LANCL2: variants seen among roughly 807,000 people sequenced by gnomAD.
LANCL2 encodes the protein LanC like glutathione S-transferase 2, also known as lanC-like protein 2.
Under a neutral mutation model 56.9 loss-of-function variants are expected in LANCL2, and 33 were observed. The ratio of observed to expected loss-of-function variants is 0.58; its 90% CI spans 0.44 to 0.78. The LOEUF is 0.78. LANCL2 is among the 30% of genes least tolerant of loss of function. The probability of loss-of-function intolerance (pLI) is 0.00; values close to 1 mark genes in which losing one functional copy is unlikely to be tolerated. For missense variants in LANCL2, 562 were observed against 580.2 expected (o/e 0.97, Z 0.32); for synonymous variants, 233 against 228.2 (o/e 1.02, Z -0.19).
At chr7:55,429,037 A>G (rs1255884530) in intron 8 of LANCL2, among the ~76,000 whole-genome samples, 4 of 152,296 alleles carry the variant, frequency 2.6e-5, no homozygotes, top group Middle Eastern at 3.4e-3. Flanking sequence ...TTAGATTTGT[A>G]TGTGGGTATG....
chr7:55,388,124 A>G (rs1430188745), intron 1 of LANCL2, among the ~76,000 whole-genome samples: 1 of 152,242 alleles, frequency 6.6e-6, no homozygotes, highest in Non-Finnish European at 1.5e-5. Flanking sequence ...AAATGTGCAC[A>G]AAAACGGGCC....
chr7:55,425,467 C>T, intron 7 of LANCL2, 37 bp downstream of exon 7: 1 of 1,589,682 alleles, frequency 6.3e-7, no homozygotes, highest in Non-Finnish European at 8.6e-7. Context: ...TCTGAACAAC[C>T]CCGAGTGTGC....
At chr7:55,425,200 C>A in intron 6 of LANCL2, 54 bp from the exon 7 acceptor site, 1 of 1,561,946 alleles carries the variant, frequency 6.4e-7, no homozygotes, top group South Asian at 1.2e-5. Flanking sequence ...AGTATTTTGC[C>A]AACTCATCGT....
intron 2 of LANCL2, chr7:55,394,196 G>C (rs985606655): frequency 6.6e-6 from 1 of 152,214 alleles, no homozygotes; most frequent in Non-Finnish European, 1.5e-5. Context: ...TGGTTTCAGT[G>C]ATTTAAAATA....
chr7:55,426,063 TCTTC>T (rs1304570157), intron 7 of LANCL2, among the ~76,000 whole-genome samples: 1 of 152,234 alleles, frequency 6.6e-6, no homozygotes, highest in Non-Finnish European at 1.5e-5. Context: ...TCAGGAGCAC[TCTTC>T]CTTCAGCTCC....
rs962494198 is a variant in LANCL2 at position 55,433,509 on chromosome 7, G to T, written c.*2189G>T. The T allele has an allele frequency of 1.3e-5, 2 of 152,214 alleles. No individual in the cohort carries two copies. The highest frequency in any genetic ancestry group is 2.4e-5 in the African/African-American group (1 of 41,456). 9.4% of individuals were successfully genotyped at this position (152,214 alleles called of 1,614,324 possible). On this transcript the variant is annotated 3_prime_UTR_variant, in exon 9 of 9. Coordinates refer to ENST00000254770, the MANE Select transcript of LANCL2 (RefSeq NM_018697.4). Reference sequence around the variant, plus strand: ...ACGGGACTTACTTCACAGGACAGAGGATTGACAGAAGTCAGTTTAAGATAA... The same window carrying T: ...ACGGGACTTACTTCACAGGACAGAGTATTGACAGAAGTCAGTTTAAGATAA...
intron 1 of LANCL2, among the ~76,000 whole-genome samples, chr7:55,389,710 A>G (rs1790164101): frequency 6.6e-6 from 1 of 152,184 alleles, no homozygotes; most frequent in Admixed American, 6.5e-5. Context: ...GTAGGGTATG[A>G]TGGCCTTCAT....
At chr7:55,372,881 T>C (rs1034812285) in intron 1 of LANCL2, among the ~76,000 whole-genome samples, 1 of 152,232 alleles carries the variant, frequency 6.6e-6, no homozygotes, top group Non-Finnish European at 1.5e-5. Flanking sequence ...GCCAATAGTT[T>C]CCAGATTTCT....
intron 6 of LANCL2, among the ~76,000 whole-genome samples, chr7:55,422,847 G>A (rs7779752): frequency 0.65 from 98,950 of 152,072 alleles, 32,526 homozygotes; most frequent in Admixed American, 0.72. Context: ...GATATTTCTA[G>A]TAACTGCCTA....
Position 55,385,387 on chromosome 7 carries a change from C to T in LANCL2, c.205-6406C>T, listed in dbSNP as rs537418993. Among the ~76,000 whole-genome samples, 7 of 152,294 alleles carry T rather than the reference C, an allele frequency of 4.6e-5. No homozygotes were observed. The South Asian group carries it at 1.5e-3, about 32-fold the overall frequency. ...AGAGAAGCTGACTGTATCAGGGGAC[C>T]TGCCCCGATAATCATGTAGGTTCTT... On this transcript the variant is annotated intron_variant, in intron 1 of 8. Coordinates refer to ENST00000254770, the MANE Select transcript of LANCL2 (RefSeq NM_018697.4).
Position 55,399,977 on chromosome 7 carries a change from C to T in LANCL2, c.551C>T (p.Ser184Leu), listed in dbSNP as rs776099480. The T allele has an allele frequency of 2.0e-5, 33 of 1,612,444 alleles. No homozygotes were observed. The highest frequency in any genetic ancestry group is 1.6e-4 in the Middle Eastern group (1 of 6,068). ...GTTAGACTTTTGCAGCTCCAGAGAT[C>T]GGTTGTCTGCCAAGAATCAGACCTT... ...CVTKLLQLQR[S>L]VVCQESDLPD... The change falls in exon 4 of 9, where the codon TCG becomes TTG. Residue 184 changes from serine (S) to leucine (L), a missense_variant. Coordinates refer to ENST00000254770, the MANE Select transcript of LANCL2 (RefSeq NM_018697.4).
intron 1 of LANCL2, among the ~76,000 whole-genome samples, chr7:55,380,610 G>T (rs1467928259): frequency 6.6e-6 from 1 of 152,104 alleles, no homozygotes; most frequent in Admixed American, 6.6e-5. Flanking sequence ...AGATTCTATC[G>T]AATATGTTAC....
rs1424830267 is a variant in LANCL2 at position 55,425,317 on chromosome 7, G to C, written c.1072G>C (p.Gly358Arg). 6.2e-7 allele frequency: 1 copy of C among 1,614,072 alleles called. No individual in the cohort carries two copies. Among genetic ancestry groups the C allele is most frequent in the Non-Finnish European group, 8.5e-7 (1 of 1,180,032 alleles). ...GTGTAGCGATGTGATTTGGCAGCGAGGTTTGCTGCGGAAGGGCTACGGGAT... is the reference window on the plus strand; with the variant it reads ...GTGTAGCGATGTGATTTGGCAGCGACGTTTGCTGCGGAAGGGCTACGGGAT... Reference protein sequence around the residue: ...MECSDVIWQRGLLRKGYGICH... With the variant: ...MECSDVIWQRRLLRKGYGICH... Residue 358 changes from glycine (G) to arginine (R), a missense_variant, in exon 7 of 9, where the codon GGT becomes CGT. Gly to Arg is a moderately radical substitution (Grantham distance 125). Around this residue, in one of 2 missense-constraint regions of LANCL2, gnomAD observed 378 missense variants for 468.4 expected, o/e 0.81. Coordinates refer to ENST00000254770, the MANE Select transcript of LANCL2 (RefSeq NM_018697.4).
Position 55,401,196 on chromosome 7 carries a change from C to T in LANCL2, c.701C>T (p.Ser234Leu), listed in dbSNP as rs376130597. The change falls in exon 5 of 9, where the codon TCG (serine) becomes TTG (leucine). Residue 234 changes from serine (S) to leucine (L), a missense_variant. Ser to Leu is a moderately radical substitution (Grantham distance 145, BLOSUM62 -2). Coordinates refer to ENST00000254770, the MANE Select transcript of LANCL2 (RefSeq NM_018697.4). ...IKEVVNAIIE[S>L]GKTLSREERK... ...TAGGTAGTCAATGCTATTATTGAAT[C>T]GGGTAAGACTTTGTCAAGGGAAGAA... 8 of 1,613,876 alleles carry T rather than the reference C, an allele frequency of 5.0e-6. No individual in the cohort carries two copies. Among genetic ancestry groups the T allele is most frequent in the Admixed American group, 1.7e-5 (1 of 60,000 alleles).
chr7:55,416,104 T>G (rs1790536377), intron 6 of LANCL2, among the ~76,000 whole-genome samples: 1 of 152,170 alleles, frequency 6.6e-6, no homozygotes, highest in Admixed American at 6.5e-5. Flanking sequence ...TTCCACAAGT[T>G]CTGGTTGTTC....
intron 6 of LANCL2, among the ~76,000 whole-genome samples, chr7:55,421,705 G>A (rs1790610309): frequency 1.3e-5 from 2 of 151,930 alleles, no homozygotes; most frequent in South Asian, 4.2e-4. Flanking sequence ...TATAGGGGTT[G>A]CAATATATAT....
At position 55,365,968 on chromosome 7, in the gene LANCL2, G is replaced by A. The variant is rs1789856562; in HGVS notation, c.-58G>A. Reference sequence around the variant, plus strand: ...CCCTCGGAGGAGGCGGCGGCGGGGCGAGCTGCAGCGCCGGGACAGGAGGTT... The same window carrying A: ...CCCTCGGAGGAGGCGGCGGCGGGGCAAGCTGCAGCGCCGGGACAGGAGGTT... On this transcript the variant is annotated 5_prime_UTR_variant, in exon 1 of 9. Coordinates refer to ENST00000254770, the MANE Select transcript of LANCL2 (RefSeq NM_018697.4). 1.5e-6 allele frequency: 2 copies of A among 1,303,904 alleles called. No homozygotes were observed. The highest frequency in any genetic ancestry group is 2.0e-6 in the Non-Finnish European group (2 of 995,652). The allele number at this position is 1,303,904 out of a possible 1,614,324, so 80.8% of individuals were successfully genotyped here.
chr7:55,429,198 CTTCTT>C (rs1583769240), intron 8 of LANCL2, among the ~76,000 whole-genome samples: 2 of 139,750 alleles, frequency 1.4e-5, no homozygotes, highest in East Asian at 1.9e-4. Context: ...TGAGAAGTAT[CTTCTT>C]CTCTTCTGTT....
rs767400501 is a variant in LANCL2, at chr7:55,400,025, G to A, written c.599G>A (p.Arg200Gln). 5 of 1,613,712 alleles carry A rather than the reference G, an allele frequency of 3.1e-6. No individual in the cohort carries two copies. The highest frequency in any genetic ancestry group is 1.3e-5 in the African/African-American group (1 of 74,890). ...SDLPDELLYG[R>Q]AGYLYALLYL... The stretch of plus-strand genomic sequence containing the variant: ...CTTCCTGATGAGCTGCTTTATGGAC[G>A]GGCAGGTTATCTGTATGCCTTACTG... The change falls in exon 4 of 9, where the codon CGG becomes CAG. Residue 200 changes from arginine (R) to glutamine (Q), a missense_variant. Coordinates refer to ENST00000254770, the MANE Select transcript of LANCL2 (RefSeq NM_018697.4).
Sources: gnomAD v4.1 joint callset for allele counts (sites outside exome capture counted in the v4.1 genomes callset) on GRCh38, gnomAD v4.1.1 for gene constraint, gnomAD v4.1.1 regional missense constraint, MANE v1.5 for transcripts, NCBI Gene and HGNC (gene_info 2026-07-23, HGNC 2026-07-21) for gene names.